ANO6: variants seen among roughly 807,000 people sequenced by gnomAD.
The protein encoded by ANO6 is anoctamin-6.
Under a neutral mutation model 117.5 loss-of-function variants are expected in ANO6, and 106 were observed. That is an observed-to-expected ratio of 0.90 (90% CI 0.77 to 1.06). The LOEUF (loss-of-function observed/expected upper bound fraction) is 1.06, where lower values mean the gene tolerates loss of function less well. Ranked by LOEUF, ANO6 falls within the 50% of genes least tolerant of loss-of-function variation. The pLI, the probability that ANO6 is intolerant of heterozygous loss-of-function variation, is 0.00. For missense variants in ANO6, 955 were observed against 1,121.1 expected, an observed-to-expected ratio of 0.85 and a Z score of 2.12; for synonymous variants, 367 against 385.1, an observed-to-expected ratio of 0.95 and a Z score of 0.55.
At chr12:45,262,219 A>G (rs1938061965) in intron 1 of ANO6, among the ~76,000 whole-genome samples, 1 of 152,164 alleles carries the variant, frequency 6.6e-6, no homozygotes, top group Non-Finnish European at 1.5e-5. Context: ...AAAAAATGCA[A>G]ATGTAGTTTT....
chr12:45,247,343 T>C (rs1947841000), intron 1 of ANO6, among the ~76,000 whole-genome samples: 2 of 152,242 alleles, frequency 1.3e-5, no homozygotes, highest in African/African-American at 4.8e-5. Context: ...CCAGGCATAA[T>C]TATAAATACG....
At chr12:45,229,737 A>G (rs999139131) in intron 1 of ANO6, among the ~76,000 whole-genome samples, 27 of 152,190 alleles carry the variant, frequency 1.8e-4, no homozygotes, top group African/African-American at 6.0e-4. Flanking sequence ...TTCATCAGAC[A>G]GCTTAGCCTG....
intron 19 of ANO6, among the ~76,000 whole-genome samples, chr12:45,426,025 T>G (rs1943492709): frequency 6.6e-6 from 1 of 152,168 alleles, no homozygotes; most frequent in Non-Finnish European, 1.5e-5. Flanking sequence ...CGAAACAGCA[T>G]TGAAGGAAAT....
Position 45,432,127 on chromosome 12 carries a change from T to C in ANO6, c.*2816T>C, listed in dbSNP as rs1943646560. 6 of 985,430 alleles carry C rather than the reference T, an allele frequency of 6.1e-6. No homozygotes were observed. The highest frequency in any genetic ancestry group is 7.2e-6 in the Non-Finnish European group (6 of 829,918). The allele number at this position is 985,430 out of a possible 1,614,324, so 61.0% of individuals were successfully genotyped here. On this transcript the variant is annotated 3_prime_UTR_variant, in exon 20 of 20. Coordinates refer to ENST00000320560, the MANE Select transcript of ANO6 (RefSeq NM_001025356.3). ...TTGAAACACTTCTTGTACCATTTTA[T>C]GTTCATATTATGTTTGAGAGGGTAA...
chr12:45,431,866 A>G lies in ANO6; in HGVS notation c.*2555A>G. 1 of 985,418 alleles carries G rather than the reference A, an allele frequency of 1.0e-6. No individual in the cohort carries two copies. Among genetic ancestry groups the G allele is most frequent in the South Asian group, 4.7e-5 (1 of 21,276 alleles). 61.0% of individuals were successfully genotyped at this position (985,418 alleles called of 1,614,324 possible). The stretch of plus-strand genomic sequence containing the variant: ...AAACTGAGCTTTATATCCTTTTTTA[A>G]TGCCTGTGAATTTTAGCATATTGAA... On this transcript the variant is annotated 3_prime_UTR_variant, in exon 20 of 20. Coordinates refer to ENST00000320560, the MANE Select transcript of ANO6 (RefSeq NM_001025356.3).
intron 3 of ANO6, among the ~76,000 whole-genome samples, chr12:45,337,207 C>T (rs1290891653): frequency 6.6e-6 from 1 of 152,040 alleles, no homozygotes; most frequent in Non-Finnish European, 1.5e-5. Context: ...CTGACTCACC[C>T]ACAGCAACTT....
downstream of ANO6, among the ~76,000 whole-genome samples, chr12:45,436,830 G>A (rs1383872742): frequency 2.0e-5 from 3 of 152,118 alleles, no homozygotes; most frequent in Non-Finnish European, 4.4e-5. Context: ...TTAGCCGTGT[G>A]TGGTGGCAGG....
intron 2 of ANO6, among the ~76,000 whole-genome samples, chr12:45,309,642 T>G (rs1366112717): frequency 6.6e-6 from 1 of 151,840 alleles, no homozygotes; most frequent in Non-Finnish European, 1.5e-5. Context: ...TTAGGGCTAT[T>G]GAAAAATATT....
chr12:45,233,647 A>G (rs1042332305), intron 1 of ANO6, among the ~76,000 whole-genome samples: 1 of 152,204 alleles, frequency 6.6e-6, no homozygotes, highest in African/African-American at 2.4e-5. Context: ...TTTGGTTAAC[A>G]TTGTAAAAGC....
rs1055167745 is a variant in ANO6 at position 45,419,639 on chromosome 12, A to G, written c.2218-1432A>G. ...TAAACCATATGTTCAGATGAATACT[A>G]TTAAAAATCATGTTAAGCCAAAAAC... On this transcript the variant is annotated intron_variant, in intron 17 of 19. Coordinates refer to ENST00000320560, the MANE Select transcript of ANO6 (RefSeq NM_001025356.3). Among the ~76,000 whole-genome samples the G allele has an allele frequency of 4.6e-5, 7 of 152,226 alleles. No individual in the cohort carries two copies. In the East Asian group the frequency reaches 7.7e-4, roughly 17 times the overall value.
intron 1 of ANO6, among the ~76,000 whole-genome samples, chr12:45,224,720 A>G (rs1947455177): frequency 6.6e-6 from 1 of 152,176 alleles, no homozygotes; most frequent in Admixed American, 6.5e-5. Flanking sequence ...AGCTGTATAC[A>G]CACTCGTCTT....
intron 19 of ANO6, among the ~76,000 whole-genome samples, chr12:45,428,874 T>C (rs1044913436): frequency 2.6e-5 from 4 of 152,180 alleles, no homozygotes; most frequent in Non-Finnish European, 5.9e-5. Flanking sequence ...ATTATATGTG[T>C]GTATATATAC....
At chr12:45,339,283 T>C (rs999915730) in intron 3 of ANO6, among the ~76,000 whole-genome samples, 1 of 152,078 alleles carries the variant, frequency 6.6e-6, no homozygotes, top group Non-Finnish European at 1.5e-5. Context: ...AGTCAGTACT[T>C]CCAGGGGAGA....
intron 12 of ANO6, among the ~76,000 whole-genome samples, chr12:45,392,280 TGGC>T (rs1486563015): frequency 6.6e-6 from 1 of 152,116 alleles, no homozygotes; most frequent in African/African-American, 2.4e-5. Flanking sequence ...ATCTGCGAGG[TGGC>T]AGCCTAGCTA....
At chr12:45,226,293 C>T (rs930351092) in intron 1 of ANO6, among the ~76,000 whole-genome samples, 1 of 152,120 alleles carries the variant, frequency 6.6e-6, no homozygotes, top group Non-Finnish European at 1.5e-5. Flanking sequence ...TATTCATCAG[C>T]CAGAAATACA....
chr12:45,313,745 A>G (rs1939923165), intron 2 of ANO6, among the ~76,000 whole-genome samples: 1 of 152,110 alleles, frequency 6.6e-6, no homozygotes, highest in Non-Finnish European at 1.5e-5. Context: ...ATACCCAGCA[A>G]TATTATAAAA....
At chr12:45,363,199 T>C (rs537259027) in intron 8 of ANO6, among the ~76,000 whole-genome samples, 1 of 152,156 alleles carries the variant, frequency 6.6e-6, no homozygotes, top group Non-Finnish European at 1.5e-5. Flanking sequence ...AGCATTTTCC[T>C]TGAATATTAT....
chr12:45,266,627 C>T (rs1421630943), intron 1 of ANO6, among the ~76,000 whole-genome samples: 1 of 152,126 alleles, frequency 6.6e-6, no homozygotes, highest in African/African-American at 2.4e-5. Context: ...GAGACCTCAT[C>T]TCTACAAAAA....
intron 1 of ANO6, among the ~76,000 whole-genome samples, chr12:45,288,888 C>T (rs902410527): frequency 1.2e-4 from 18 of 152,092 alleles, no homozygotes; most frequent in African/African-American, 4.3e-4. Flanking sequence ...GCTGGGACTA[C>T]AGGCGCCTGC....
Sources: allele counts gnomAD v4.1 joint callset (sites outside exome capture counted in the v4.1 genomes callset), GRCh38; gene constraint gnomAD v4.1.1; transcripts MANE v1.5; gene names NCBI Gene and HGNC (gene_info 2026-07-23, HGNC 2026-07-21).